Variants in LINGO2 observed in about 807,000 individuals in gnomAD.
The protein encoded by LINGO2 is leucine rich repeat and Ig domain containing 2.
In LINGO2, 14 loss-of-function variants were observed where a neutral mutation model predicts 30.6. The observed-to-expected ratio is 0.46, with a 90% CI of 0.30 to 0.72. LINGO2 has a LOEUF of 0.72. Among genes scored for constraint, LINGO2 ranks in the 30% least tolerant of loss-of-function variants. The probability of loss-of-function intolerance (pLI) is 0.07; values close to 1 mark genes in which losing one functional copy is unlikely to be tolerated. For synonymous variants in LINGO2, 317 were observed against 288.5 expected (o/e 1.10, Z -1.00); for missense variants, 729 against 751.7 (o/e 0.97, Z 0.35).
At chr9:28,677,438 G>A in the LINGO2 span, among the ~76,000 whole-genome samples, 1 of 152,156 alleles carries the variant, frequency 6.6e-6, no homozygotes, top group African/African-American at 2.4e-5. Context: ...TATTGGTAGA[G>A]CATCTAAGAC....
At chr9:28,960,263 G>A in the LINGO2 span, among the ~76,000 whole-genome samples, 3 of 152,026 alleles carry the variant, frequency 2.0e-5, no homozygotes, top group Admixed American at 2.0e-4. Flanking sequence ...ATTTTGAAAG[G>A]CCAAGGCACG....
intron 1 of LINGO2, among the ~76,000 whole-genome samples, chr9:28,585,528 T>A (rs1333403129): frequency 6.6e-6 from 1 of 151,948 alleles, no homozygotes; most frequent in African/African-American, 2.4e-5. Context: ...TTAAGTAAAT[T>A]ATATAAGATA....
At chr9:28,452,066 A>G (rs1461736249) in intron 2 of LINGO2, among the ~76,000 whole-genome samples, 1 of 151,782 alleles carries the variant, frequency 6.6e-6, no homozygotes, top group Admixed American at 6.6e-5. Context: ...TTACTTATTT[A>G]TCCAACATTC....
chr9:28,531,772 T>C (rs987940673), intron 1 of LINGO2, among the ~76,000 whole-genome samples: 1 of 151,956 alleles, frequency 6.6e-6, no homozygotes, highest in Non-Finnish European at 1.5e-5. Flanking sequence ...GCTTTTGAAA[T>C]GGGGGCCAGT....
the LINGO2 span, among the ~76,000 whole-genome samples, chr9:28,889,933 A>G: frequency 6.6e-6 from 1 of 152,086 alleles, no homozygotes; most frequent in African/African-American, 2.4e-5. Flanking sequence ...AATGAAAAAA[A>G]TAAATATTCC....
At chr9:29,021,246 G>A in the LINGO2 span, among the ~76,000 whole-genome samples, 2 of 152,156 alleles carry the variant, frequency 1.3e-5, no homozygotes, top group African/African-American at 2.4e-5. Context: ...TATTACAGAA[G>A]GGTAGCAGGA....
chr9:28,853,332 G>A, the LINGO2 span, among the ~76,000 whole-genome samples: 1 of 151,976 alleles, frequency 6.6e-6, no homozygotes, highest in East Asian at 1.9e-4. Flanking sequence ...GCATTTCACA[G>A]ACTCATTACT....
the LINGO2 span, among the ~76,000 whole-genome samples, chr9:28,844,065 T>A: frequency 6.6e-6 from 1 of 151,608 alleles, no homozygotes; most frequent in Non-Finnish European, 1.5e-5. Context: ...TCTGCCAAAA[T>A]AAAATGACAG....
intron 1 of LINGO2, among the ~76,000 whole-genome samples, chr9:28,569,638 T>G: frequency 8.6e-6 from 1 of 115,980 alleles, no homozygotes; most frequent in Admixed American, 9.8e-5. Flanking sequence ...GTAGAACAAA[T>G]GGGGGGATAT....
intron 2 of LINGO2, among the ~76,000 whole-genome samples, chr9:28,439,652 GCT>G (rs1165484215): frequency 6.6e-6 from 1 of 152,078 alleles, no homozygotes; most frequent in Non-Finnish European, 1.5e-5. Flanking sequence ...GGACGTGCTG[GCT>G]TCCCCTTTGT....
At chr9:28,714,186 T>TATATAC in the LINGO2 span, among the ~76,000 whole-genome samples, 4 of 91,916 alleles carry the variant, frequency 4.4e-5, no homozygotes, top group African/African-American at 1.1e-4. Flanking sequence ...TATATATATA[T>TATATAC]ATACACACAT....
intron 4 of LINGO2, among the ~76,000 whole-genome samples, chr9:28,204,891 G>A (rs1439546253): frequency 6.6e-6 from 1 of 152,040 alleles, no homozygotes; most frequent in Non-Finnish European, 1.5e-5. Context: ...TTTTTTTCCT[G>A]GGTTTGGAGG....
chr9:28,104,173 C>G (rs1826500997), intron 4 of LINGO2, among the ~76,000 whole-genome samples: 1 of 147,542 alleles, frequency 6.8e-6, no homozygotes. Context: ...ATAATAAGGA[C>G]AGGAAGGGTA....
chr9:29,057,403 T>C, the LINGO2 span, among the ~76,000 whole-genome samples: 1 of 152,164 alleles, frequency 6.6e-6, no homozygotes, highest in African/African-American at 2.4e-5. Context: ...TAGGCAATCA[T>C]TTATAAAAGA....
At chr9:28,972,697 A>G in the LINGO2 span, among the ~76,000 whole-genome samples, 2 of 152,188 alleles carry the variant, frequency 1.3e-5, no homozygotes, top group African/African-American at 4.8e-5. Context: ...AAAGAGGTTT[A>G]ATGACCCACA....
At chr9:29,130,220 C>G in the LINGO2 span, among the ~76,000 whole-genome samples, 1 of 152,120 alleles carries the variant, frequency 6.6e-6, no homozygotes, top group Non-Finnish European at 1.5e-5. Context: ...CTAATAGACA[C>G]TTTTACTGGT....
intron 3 of LINGO2, among the ~76,000 whole-genome samples, chr9:28,358,463 G>T (rs1167334173): frequency 3.9e-5 from 6 of 152,096 alleles, no homozygotes; most frequent in African/African-American, 1.4e-4. Context: ...ATGAGATACT[G>T]TGCTGAAGAT....
intron 4 of LINGO2, among the ~76,000 whole-genome samples, chr9:28,043,145 A>T (rs1014182860): frequency 6.6e-6 from 1 of 152,198 alleles, no homozygotes; most frequent in Admixed American, 6.5e-5. Context: ...GACAGGTAGA[A>T]GATGTCAGTG....
intron 4 of LINGO2, among the ~76,000 whole-genome samples, chr9:28,073,976 A>G (rs1170117743): frequency 1.3e-5 from 2 of 152,178 alleles, no homozygotes; most frequent in African/African-American, 4.8e-5. Flanking sequence ...TAAGTTTTCA[A>G]GCTGGGTTGT....
Sources: allele counts gnomAD v4.1 joint callset (sites outside exome capture counted in the v4.1 genomes callset), GRCh38; gene constraint gnomAD v4.1.1; transcripts MANE v1.5; gene names NCBI Gene and HGNC (gene_info 2026-07-23, HGNC 2026-07-21).